The following ARHGAP42 variants were observed in gnomAD, a reference collection of about 807,000 sequenced individuals.
ARHGAP42 encodes Rho GTPase activating protein 42, also known as rho GTPase-activating protein 42.
Under a neutral mutation model 125.0 loss-of-function variants are expected in ARHGAP42, and 63 were observed. That is an observed-to-expected ratio of 0.50 (90% CI 0.41 to 0.62). The LOEUF (loss-of-function observed/expected upper bound fraction) is 0.62, where lower values mean the gene tolerates loss of function less well. Among genes scored for constraint, ARHGAP42 ranks in the 20% least tolerant of loss-of-function variants. ARHGAP42 has a pLI of 0.00. For synonymous variants in ARHGAP42, 339 were observed against 351.0 expected (o/e 0.97, Z 0.38); for missense variants, 766 against 1,024.2 (o/e 0.75, Z 3.44).
chr11:100,903,832 A>G (rs576456430), intron 4 of ARHGAP42, among the ~76,000 whole-genome samples: 9 of 149,472 alleles, frequency 6.0e-5, no homozygotes, highest in Admixed American at 3.3e-4. Context: ...TAAGCTGAGG[A>G]GCAAGGAGAG....
At position 100,992,503 on chromosome 11, in the gene ARHGAP42, C is replaced by A. The variant is rs747056949; in HGVS notation, c.*3702C>A. 1.9e-6 allele frequency: 3 copies of A among 1,614,032 alleles called. No individual in the cohort carries two copies. Among genetic ancestry groups the A allele is most frequent in the Non-Finnish European group, 2.5e-6 (3 of 1,179,948 alleles). Reference sequence around the variant, plus strand: ...CCAAAATCAAGACACTTTTAAGAAACAAAGATAGTTTTCTGAACATTCTGT... The same window carrying A: ...CCAAAATCAAGACACTTTTAAGAAAAAAAGATAGTTTTCTGAACATTCTGT... On this transcript the variant is annotated 3_prime_UTR_variant, in exon 24 of 24. Transcript: ENST00000298815.
At chr11:100,858,725 C>T (rs1428107396) in intron 3 of ARHGAP42, among the ~76,000 whole-genome samples, 1 of 152,046 alleles carries the variant, frequency 6.6e-6, no homozygotes, top group Non-Finnish European at 1.5e-5. Flanking sequence ...ATTTGCTATT[C>T]ATGTAATAGA....
At chr11:100,806,036 C>T (rs992828461) in intron 3 of ARHGAP42, among the ~76,000 whole-genome samples, 4 of 152,184 alleles carry the variant, frequency 2.6e-5, no homozygotes, top group African/African-American at 9.6e-5. Context: ...CCTTATTTTA[C>T]TCCACCCCTA....
chr11:100,986,108 A>G, intron 22 of ARHGAP42: 1 of 456,644 alleles, frequency 2.2e-6, no homozygotes, highest in Non-Finnish European at 4.4e-6. Flanking sequence ...TAAGCATCAG[A>G]CATCGTTCGT....
chr11:100,992,825 G>A lies in ARHGAP42; in HGVS notation c.*4024G>A. The A allele has an allele frequency of 1.7e-6, 2 of 1,146,416 alleles. No individual in the cohort carries two copies. The highest frequency in any genetic ancestry group is 2.5e-5 in the East Asian group (1 of 40,542). 71.0% of individuals were successfully genotyped at this position (1,146,416 alleles called of 1,614,324 possible). A position where few individuals can be genotyped will look rare whatever the true frequency, so the allele number is the denominator to read the frequency against. On this transcript the variant is annotated 3_prime_UTR_variant, in exon 24 of 24. Transcript: ENST00000298815. Reference sequence around the variant, plus strand: ...CAACATTCACAGTAAGCCATTGGCAGAAAATTGATCTGCATGTCCTAGACC... The same window carrying A: ...CAACATTCACAGTAAGCCATTGGCAAAAAATTGATCTGCATGTCCTAGACC...
At chr11:100,876,122 CAT>C (rs1306812006) in intron 4 of ARHGAP42, among the ~76,000 whole-genome samples, 3 of 152,292 alleles carry the variant, frequency 2.0e-5, no homozygotes, top group African/African-American at 4.8e-5. Flanking sequence ...AACTTAATAA[CAT>C]GTGTTTGATA....
intron 5 of ARHGAP42, among the ~76,000 whole-genome samples, chr11:100,914,085 C>T (rs1867001518): frequency 6.6e-6 from 1 of 152,042 alleles, no homozygotes. Flanking sequence ...CAGGCATGTG[C>T]CACCAAGCCC....
intron 1 of ARHGAP42, among the ~76,000 whole-genome samples, chr11:100,725,382 G>C (rs558067926): frequency 9.2e-5 from 14 of 151,606 alleles, no homozygotes; most frequent in Non-Finnish European, 1.6e-4. Context: ...TGTTGGTCAG[G>C]CTGGTCTTGA....
At chr11:100,950,870 T>G (rs542839281) in intron 12 of ARHGAP42, among the ~76,000 whole-genome samples, 1 of 152,172 alleles carries the variant, frequency 6.6e-6, no homozygotes, top group South Asian at 2.1e-4. Context: ...CATTTACTTT[T>G]CTTATTTATT....
intron 18 of ARHGAP42, among the ~76,000 whole-genome samples, 181 bp downstream of exon 18, chr11:100,973,515 C>T (rs1858308703): frequency 6.6e-6 from 1 of 152,004 alleles, no homozygotes; most frequent in Non-Finnish European, 1.5e-5. Context: ...GTTTTCTTTC[C>T]TTCTACATAA....
chr11:100,709,658 TCTCGCTTCTG>T (rs1323137011), intron 1 of ARHGAP42, among the ~76,000 whole-genome samples: 1 of 152,250 alleles, frequency 6.6e-6, no homozygotes, highest in Non-Finnish European at 1.5e-5. Context: ...GGAATATTTT[TCTCGCTTCTG>T]CATATTTTTT....
At chr11:100,824,619 T>A (rs1864473921) in intron 3 of ARHGAP42, among the ~76,000 whole-genome samples, 1 of 152,172 alleles carries the variant, frequency 6.6e-6, no homozygotes, top group Admixed American at 6.5e-5. Context: ...TTCAGCATAG[T>A]GTAGTGAAAA....
chr11:100,795,324 T>G (rs1289733617), intron 3 of ARHGAP42, among the ~76,000 whole-genome samples, 158 bp downstream of exon 3: 7 of 152,240 alleles, frequency 4.6e-5, no homozygotes, highest in Non-Finnish European at 8.8e-5. Flanking sequence ...TGACTATAAT[T>G]ATCATATATT....
chr11:100,758,721 A>G (rs1376700647), intron 1 of ARHGAP42, among the ~76,000 whole-genome samples: 1 of 152,194 alleles, frequency 6.6e-6, no homozygotes, highest in East Asian at 1.9e-4. Flanking sequence ...TGAACTCTAC[A>G]TGCATGATTT....
At chr11:100,758,005 T>A (rs1249168100) in intron 1 of ARHGAP42, among the ~76,000 whole-genome samples, 1 of 152,214 alleles carries the variant, frequency 6.6e-6, no homozygotes, top group East Asian at 1.9e-4. Context: ...AGATTCTTTT[T>A]GACATAACCA....
At chr11:100,770,799 G>A (rs1174532044) in intron 2 of ARHGAP42, among the ~76,000 whole-genome samples, 2 of 152,280 alleles carry the variant, frequency 1.3e-5, no homozygotes, top group Non-Finnish European at 1.5e-5. Flanking sequence ...GCCTGGTCTC[G>A]AACTCTTGAC....
chr11:100,854,794 T>C (rs1214117761), intron 3 of ARHGAP42, among the ~76,000 whole-genome samples: 2 of 152,076 alleles, frequency 1.3e-5, no homozygotes, highest in African/African-American at 4.8e-5. Context: ...AAGAAGCTAT[T>C]GAGGAAGGAA....
In ARHGAP42 at chr11:100,825,681, C is replaced by T. The variant is rs533771211; in HGVS notation, c.312+30515C>T. 3.9e-4 allele frequency among the ~76,000 whole-genome samples: 60 copies of T among 152,198 alleles called. No individual in the cohort carries two copies. In the South Asian group the frequency reaches 0.012, roughly 30 times the overall value. ...AGATGACTCTGTAGTGTATATTTTA[C>T]GCAGCATGCTCCTTAAATCTGCTTC... On this transcript the variant is annotated intron_variant, in intron 3 of 23. Coordinates refer to ENST00000298815, the MANE Select transcript of ARHGAP42 (RefSeq NM_152432.4).
At chr11:100,802,836 T>A (rs1480888195) in intron 3 of ARHGAP42, among the ~76,000 whole-genome samples, 2 of 152,162 alleles carry the variant, frequency 1.3e-5, no homozygotes, top group Non-Finnish European at 2.9e-5. Context: ...AGCTTTGTCC[T>A]TTCCTCTGCC....
Sources: allele counts gnomAD v4.1 joint callset (sites outside exome capture counted in the v4.1 genomes callset), GRCh38; gene constraint gnomAD v4.1.1; transcripts MANE v1.5; gene names NCBI Gene and HGNC (gene_info 2026-07-23, HGNC 2026-07-21).